Variants in ADAM32 observed in about 807,000 individuals in gnomAD.
ADAM32 encodes the protein ADAM metallopeptidase domain 32.
ADAM32 carries 89 observed loss-of-function variants against 114.9 expected under a neutral mutation model. That is an observed-to-expected ratio of 0.77 (90% CI 0.65 to 0.92). The LOEUF (loss-of-function observed/expected upper bound fraction) is 0.92, where lower values mean the gene tolerates loss of function less well. ADAM32 is among the 40% of genes least tolerant of loss of function. The pLI is 0.00. For synonymous variants in ADAM32, 285 were observed against 307.5 expected (o/e 0.93, Z 0.77); for missense variants, 870 against 932.8 (o/e 0.93, Z 0.88).
chr8:39,252,838 AT>A (rs1418213877), intron 17 of ADAM32, among the ~76,000 whole-genome samples: 4 of 151,648 alleles, frequency 2.6e-5, no homozygotes, highest in Non-Finnish European at 5.9e-5. Flanking sequence ...TCCTAGGATG[AT>A]ACAACCTGCC....
chr8:39,190,715 G>A (rs779570244), intron 11 of ADAM32, among the ~76,000 whole-genome samples: 2 of 152,214 alleles, frequency 1.3e-5, no homozygotes, highest in Non-Finnish European at 2.9e-5. Flanking sequence ...TTTGAGAAAT[G>A]TCTGTTCAAA....
intron 16 of ADAM32, among the ~76,000 whole-genome samples, chr8:39,245,466 AAAG>A (rs755495620): frequency 5.5e-4 from 84 of 152,334 alleles, no homozygotes; most frequent in Non-Finnish European, 7.9e-4. Context: ...AAAATTAAAA[AAAG>A]AAGAAGTAGT....
chr8:39,184,512 G>A (rs1037350435), intron 10 of ADAM32, among the ~76,000 whole-genome samples: 2 of 152,212 alleles, frequency 1.3e-5, no homozygotes, highest in African/African-American at 4.8e-5. Context: ...TAGACCAGTA[G>A]ACTAAGGTGG....
At chr8:39,150,225 G>C (rs895855126) in intron 5 of ADAM32, among the ~76,000 whole-genome samples, 1 of 152,076 alleles carries the variant, frequency 6.6e-6, no homozygotes, top group Non-Finnish European at 1.5e-5. Context: ...CTGTAATGCT[G>C]TATACTTGCA....
chr8:39,202,344 G>C (rs1807481867), intron 11 of ADAM32, among the ~76,000 whole-genome samples: 1 of 152,074 alleles, frequency 6.6e-6, no homozygotes, highest in South Asian at 2.1e-4. Flanking sequence ...CTTCTTCCTG[G>C]CTTAGTCTTG....
chr8:39,214,551 T>C (rs1232984839), intron 12 of ADAM32, among the ~76,000 whole-genome samples: 1 of 152,176 alleles, frequency 6.6e-6, no homozygotes, highest in Non-Finnish European at 1.5e-5. Flanking sequence ...TTTTTTCCTA[T>C]AGAGTTGTTT....
chr8:39,112,740 A>G (rs1224623264), intron 1 of ADAM32, among the ~76,000 whole-genome samples: 1 of 152,168 alleles, frequency 6.6e-6, no homozygotes, highest in Non-Finnish European at 1.5e-5. Context: ...TCACTTAGAG[A>G]CCTGTCATGA....
At chr8:39,225,921 C>T (rs1809334471) in intron 14 of ADAM32, among the ~76,000 whole-genome samples, 1 of 151,924 alleles carries the variant, frequency 6.6e-6, no homozygotes, top group Admixed American at 6.6e-5. Flanking sequence ...TTAAATGACA[C>T]AATAATTTTC....
chr8:39,170,600 TTAA>T (rs1006928894), intron 10 of ADAM32, among the ~76,000 whole-genome samples: 2 of 152,028 alleles, frequency 1.3e-5, no homozygotes, highest in African/African-American at 2.4e-5. Flanking sequence ...GTAATTTATG[TTAA>T]TGATGTCAAA....
chr8:39,275,401 G>A (rs934527480), intron 21 of ADAM32, among the ~76,000 whole-genome samples: 1 of 152,112 alleles, frequency 6.6e-6, no homozygotes, highest in African/African-American at 2.4e-5. Context: ...TTCTCTGTGT[G>A]TGGTATAGGA....
chr8:39,213,033 T>C (rs1381612074), intron 12 of ADAM32, among the ~76,000 whole-genome samples: 1 of 152,172 alleles, frequency 6.6e-6, no homozygotes. Flanking sequence ...ACAATTATTT[T>C]CAATGGACAA....
At chr8:39,163,221 G>A (rs1804619680) in intron 7 of ADAM32, among the ~76,000 whole-genome samples, 1 of 152,072 alleles carries the variant, frequency 6.6e-6, no homozygotes, top group Non-Finnish European at 1.5e-5. Context: ...TTAAAATGTA[G>A]GTTTTATTAC....
chr8:39,111,354 A>T (rs1453982284), intron 1 of ADAM32, among the ~76,000 whole-genome samples: 1 of 152,100 alleles, frequency 6.6e-6, no homozygotes, highest in Non-Finnish European at 1.5e-5. Flanking sequence ...TGGGTCTTTT[A>T]CCTCCTCATG....
At chr8:39,261,692 C>A (rs1812039856) in intron 19 of ADAM32, among the ~76,000 whole-genome samples, 1 of 152,138 alleles carries the variant, frequency 6.6e-6, no homozygotes, top group Non-Finnish European at 1.5e-5. Flanking sequence ...CTTTTCTCTG[C>A]ATTCTTGCCA....
chr8:39,231,012 T>C (rs1022237732), intron 14 of ADAM32, among the ~76,000 whole-genome samples: 1 of 152,184 alleles, frequency 6.6e-6, no homozygotes, highest in Non-Finnish European at 1.5e-5. Context: ...CCTTGGATAA[T>C]TCCCTCCCTT....
chr8:39,260,442 G>C (rs1489215093), intron 19 of ADAM32, among the ~76,000 whole-genome samples: 1 of 152,134 alleles, frequency 6.6e-6, no homozygotes, highest in Non-Finnish European at 1.5e-5. Flanking sequence ...TCACTGTTAA[G>C]TTTAATGTAG....
intron 12 of ADAM32, among the ~76,000 whole-genome samples, chr8:39,213,358 AT>A (rs1808353409): frequency 6.6e-6 from 1 of 152,084 alleles, no homozygotes. Flanking sequence ...CCTTCTAGCT[AT>A]TTTGAAGTAT....
At chr8:39,181,389 C>T (rs1313386075) in intron 10 of ADAM32, among the ~76,000 whole-genome samples, 1 of 152,122 alleles carries the variant, frequency 6.6e-6, no homozygotes, top group East Asian at 1.9e-4. Context: ...CACGAACCCA[C>T]CAGAAGGAAG....
At chr8:39,138,874 C>T (rs980197012) in intron 3 of ADAM32, among the ~76,000 whole-genome samples, 12 of 152,096 alleles carry the variant, frequency 7.9e-5, no homozygotes, top group African/African-American at 2.4e-4. Flanking sequence ...TTCTAAGTGG[C>T]GTGAGATGGT....
Sources: allele counts gnomAD v4.1 joint callset (sites outside exome capture counted in the v4.1 genomes callset), GRCh38; gene constraint gnomAD v4.1.1; transcripts MANE v1.5; gene names NCBI Gene and HGNC (gene_info 2026-07-23, HGNC 2026-07-21).